GRID2: variants seen among roughly 807,000 people sequenced by gnomAD.
GRID2 encodes glutamate ionotropic receptor delta type subunit 2.
GRID2 carries 33 observed loss-of-function variants against 114.8 expected under a neutral mutation model. The observed-to-expected ratio is 0.29, with a 90% CI of 0.22 to 0.38. The LOEUF is 0.38. Ranked by LOEUF, GRID2 falls within the 10% of genes least tolerant of loss-of-function variation. The pLI is 1.00. For missense variants in GRID2, 1,184 were observed against 1,257.7 expected (o/e 0.94, Z 0.89); for synonymous variants, 505 against 449.9 (o/e 1.12, Z -1.55).
chr4:92,708,312 T>C (rs1735050814), intron 2 of GRID2, among the ~76,000 whole-genome samples: 1 of 152,182 alleles, frequency 6.6e-6, no homozygotes. Flanking sequence ...CATCAATCAG[T>C]CACAGACTAA....
chr4:93,415,315 TA>T (rs1448086283), intron 9 of GRID2, among the ~76,000 whole-genome samples: 1 of 152,122 alleles, frequency 6.6e-6, no homozygotes, highest in East Asian at 1.9e-4. Context: ...AACAAATATT[TA>T]GAGAATATAA....
At chr4:92,515,120 A>G (rs2149134887) in intron 1 of GRID2, among the ~76,000 whole-genome samples, 1 of 151,330 alleles carries the variant, frequency 6.6e-6, no homozygotes, top group South Asian at 2.1e-4. Flanking sequence ...TTTTATATTG[A>G]CGTGATGACT....
intron 1 of GRID2, among the ~76,000 whole-genome samples, chr4:92,388,346 G>T (rs1442505613): frequency 1.3e-5 from 2 of 151,972 alleles, no homozygotes; most frequent in Non-Finnish European, 2.9e-5. Flanking sequence ...TTTTCCTGAA[G>T]TCACAATAGT....
intron 2 of GRID2, among the ~76,000 whole-genome samples, chr4:92,673,636 A>G (rs1049652753): frequency 4.6e-5 from 7 of 152,124 alleles, no homozygotes; most frequent in Admixed American, 3.9e-4. Context: ...TGCATATGAA[A>G]TTCTAAGACA....
At chr4:92,707,614 A>C (rs1028670876) in intron 2 of GRID2, among the ~76,000 whole-genome samples, 1 of 152,228 alleles carries the variant, frequency 6.6e-6, no homozygotes, top group African/African-American at 2.4e-5. Flanking sequence ...CTATAAAAGA[A>C]TGAAAGAGGC....
chr4:93,216,628 A>G, intron 5 of GRID2, 110 bp from the exon 6 acceptor site: 3 of 730,920 alleles, frequency 4.1e-6, no homozygotes, highest in Non-Finnish European at 7.0e-6. Context: ...ATTAAAACCA[A>G]TATATTACAG....
intron 8 of GRID2, among the ~76,000 whole-genome samples, chr4:93,335,765 C>T (rs984295293): frequency 1.3e-5 from 2 of 150,260 alleles, no homozygotes; most frequent in Non-Finnish European, 2.9e-5. Context: ...GCATGACAAT[C>T]AGGGCTCACC....
At chr4:93,618,517 G>C (rs1288847166) in intron 13 of GRID2, among the ~76,000 whole-genome samples, 2 of 152,178 alleles carry the variant, frequency 1.3e-5, no homozygotes, top group Non-Finnish European at 2.9e-5. Context: ...CACAGAAGCA[G>C]CTAAGGGCTC....
intron 6 of GRID2, among the ~76,000 whole-genome samples, chr4:93,222,435 AC>A (rs1240191241): frequency 1.3e-5 from 2 of 151,188 alleles, no homozygotes; most frequent in African/African-American, 4.9e-5. Context: ...GAGGGATGCT[AC>A]CCCAACAATC....
chr4:92,493,145 AAAG>A (rs1723230792), intron 1 of GRID2, among the ~76,000 whole-genome samples: 1 of 151,946 alleles, frequency 6.6e-6, no homozygotes, highest in African/African-American at 2.4e-5. Context: ...AAAAAAAAAA[AAAG>A]AATTGAATTG....
chr4:93,753,160 G>C (rs1464483846), intron 14 of GRID2, among the ~76,000 whole-genome samples: 1 of 152,112 alleles, frequency 6.6e-6, no homozygotes, highest in Non-Finnish European at 1.5e-5. Flanking sequence ...TTCACCCAGA[G>C]CTAAAAGAAA....
At chr4:92,494,451 G>A (rs1403725002) in intron 1 of GRID2, among the ~76,000 whole-genome samples, 1 of 151,914 alleles carries the variant, frequency 6.6e-6, no homozygotes, top group East Asian at 1.9e-4. Flanking sequence ...GAAACATTTA[G>A]TGTGTTTCTT....
At chr4:92,958,474 T>C (rs192243976) in intron 2 of GRID2, among the ~76,000 whole-genome samples, 179 of 152,256 alleles carry the variant, frequency 1.2e-3, no homozygotes, top group African/African-American at 3.9e-3. Flanking sequence ...ACCATATTAA[T>C]TGATTCTGGA....
chr4:92,330,954 AC>A (rs762619156), intron 1 of GRID2, among the ~76,000 whole-genome samples: 1 of 152,134 alleles, frequency 6.6e-6, no homozygotes, highest in Non-Finnish European at 1.5e-5. Flanking sequence ...CTGGAATTTC[AC>A]TTATCAAAAT....
intron 13 of GRID2, among the ~76,000 whole-genome samples, chr4:93,568,969 C>G (rs1171210082): frequency 6.6e-6 from 1 of 152,130 alleles, no homozygotes; most frequent in East Asian, 1.9e-4. Context: ...ACACCTGTAC[C>G]TGTGATTCCC....
intron 4 of GRID2, among the ~76,000 whole-genome samples, chr4:93,129,542 C>T (rs903128266): frequency 1.3e-5 from 2 of 152,098 alleles, no homozygotes; most frequent in African/African-American, 4.8e-5. Context: ...AATTCATCCT[C>T]ACACTCTGCT....
At chr4:92,848,249 G>A (rs2149418946) in intron 2 of GRID2, among the ~76,000 whole-genome samples, 1 of 148,274 alleles carries the variant, frequency 6.7e-6, no homozygotes, top group South Asian at 2.1e-4. Flanking sequence ...AGATCTAGTT[G>A]CTAATTATTT....
intron 1 of GRID2, among the ~76,000 whole-genome samples, chr4:92,404,804 C>T (rs1028823584): frequency 1.3e-5 from 2 of 152,172 alleles, no homozygotes; most frequent in African/African-American, 4.8e-5. Flanking sequence ...ACCACATGTT[C>T]TCATTTAAAA....
intron 2 of GRID2, among the ~76,000 whole-genome samples, chr4:92,830,849 G>C (rs1742053003): frequency 6.6e-6 from 1 of 152,076 alleles, no homozygotes; most frequent in Non-Finnish European, 1.5e-5. Flanking sequence ...TAAGTATCTG[G>C]GTATTGCAAT....
Sources: allele counts gnomAD v4.1 joint callset (sites outside exome capture counted in the v4.1 genomes callset), GRCh38; gene constraint gnomAD v4.1.1; transcripts MANE v1.5; gene names NCBI Gene and HGNC (gene_info 2026-07-23, HGNC 2026-07-21).